WWC2: variants seen among roughly 807,000 people sequenced by gnomAD.
WWC2 encodes the protein WW and C2 domain containing 2.
In WWC2, 101 loss-of-function variants were observed where a neutral mutation model predicts 138.5. That is an observed-to-expected ratio of 0.73 (90% CI 0.62 to 0.86). WWC2 has a LOEUF of 0.86. Ranked by LOEUF, WWC2 falls within the 40% of genes least tolerant of loss-of-function variation. The pLI is 0.00. For missense variants in WWC2, 1,420 were observed against 1,419.4 expected (o/e 1.00, Z -0.01); for synonymous variants, 558 against 538.4 (o/e 1.04, Z -0.50).
At chr4:183,130,533 A>G (rs577103297) in intron 1 of WWC2, among the ~76,000 whole-genome samples, 85 of 152,280 alleles carry the variant, frequency 5.6e-4, no homozygotes, top group African/African-American at 2.0e-3. Context: ...CTGATTATGT[A>G]CTTGATTCTT....
intron 1 of WWC2, among the ~76,000 whole-genome samples, chr4:183,121,567 TGATA>T (rs1242972416): frequency 1.3e-5 from 2 of 152,158 alleles, no homozygotes; most frequent in Non-Finnish European, 2.9e-5. Flanking sequence ...TTTATAATTT[TGATA>T]GATTGTTTCA....
At chr4:183,209,419 G>A (rs548480181) in intron 4 of WWC2, among the ~76,000 whole-genome samples, 1 of 152,176 alleles carries the variant, frequency 6.6e-6, no homozygotes, top group African/African-American at 2.4e-5. Flanking sequence ...GTAGAGATGG[G>A]GTTTCACCAT....
At position 183,316,933 on chromosome 4, in the gene WWC2, A is replaced by G. The variant is rs1739459227; in HGVS notation, c.*1204A>G. 6.6e-6 allele frequency: 1 copy of G among 152,146 alleles called. No individual in the cohort carries two copies. The highest frequency in any genetic ancestry group is 2.1e-4 in the South Asian group (1 of 4,832). The allele number at this position is 152,146 out of a possible 1,614,324, so 9.4% of individuals were successfully genotyped here. On this transcript the variant is annotated 3_prime_UTR_variant, in exon 23 of 23. Transcript: ENST00000403733. Reference sequence around the variant, plus strand: ...CAAGTTTAGAGAGATAAACTGACTAATGTGTCCTCCAGTTTAGAATTTCAC... The same window carrying G: ...CAAGTTTAGAGAGATAAACTGACTAGTGTGTCCTCCAGTTTAGAATTTCAC...
At chr4:183,138,174 G>A (rs565675758) in intron 1 of WWC2, among the ~76,000 whole-genome samples, 17 of 152,198 alleles carry the variant, frequency 1.1e-4, no homozygotes, top group South Asian at 1.0e-3. Flanking sequence ...ATGAATTCTT[G>A]GGGGAGGTGG....
intron 2 of WWC2, among the ~76,000 whole-genome samples, chr4:183,207,594 T>C (rs1735481986): frequency 6.6e-6 from 1 of 152,180 alleles, no homozygotes; most frequent in African/African-American, 2.4e-5. Context: ...TACAGTCCTG[T>C]ATTAGGTGAA....
chr4:183,166,826 T>G (rs951035142), intron 1 of WWC2, among the ~76,000 whole-genome samples: 2 of 152,092 alleles, frequency 1.3e-5, no homozygotes, highest in African/African-American at 4.8e-5. Context: ...GTCAAAACCT[T>G]ATTGGATAAA....
chr4:183,214,851 G>T (rs139535632), intron 4 of WWC2, among the ~76,000 whole-genome samples: 1 of 151,894 alleles, frequency 6.6e-6, no homozygotes, highest in African/African-American at 2.4e-5. Context: ...GACTAGACAT[G>T]AGAGATATCC....
At chr4:183,248,667 T>C in intron 6 of WWC2, 47 bp from the exon 7 acceptor site, 1 of 1,503,286 alleles carries the variant, frequency 6.7e-7, no homozygotes, top group Non-Finnish European at 9.0e-7. Context: ...GAAGGTTTGC[T>C]GTCTTACTTG....
intron 11 of WWC2, among the ~76,000 whole-genome samples, chr4:183,261,918 A>G (rs1406828369): frequency 6.6e-6 from 1 of 152,246 alleles, no homozygotes; most frequent in East Asian, 1.9e-4. Context: ...CAATTAACAT[A>G]GTAGCTAATT....
intron 22 of WWC2, 87 bp downstream of exon 22, chr4:183,312,555 T>TA (rs1739292897): frequency 1.3e-6 from 2 of 1,571,146 alleles, no homozygotes; most frequent in African/African-American, 2.7e-5. Flanking sequence ...TGAAAGTTAA[T>TA]ATGAGGATCC....
intron 21 of WWC2, among the ~76,000 whole-genome samples, chr4:183,293,985 T>C (rs1738549878): frequency 6.6e-6 from 1 of 152,086 alleles, no homozygotes; most frequent in South Asian, 2.1e-4. Flanking sequence ...TAAATGACCA[T>C]ATATTAAATA....
At chr4:183,223,740 G>T (rs1470763120) in intron 4 of WWC2, among the ~76,000 whole-genome samples, 1 of 151,808 alleles carries the variant, frequency 6.6e-6, no homozygotes, top group Non-Finnish European at 1.5e-5. Context: ...TTTTGAGACG[G>T]AGTCTCACCT....
chr4:183,167,381 G>T (rs137929581), intron 1 of WWC2, among the ~76,000 whole-genome samples: 28 of 152,296 alleles, frequency 1.8e-4, no homozygotes, highest in Non-Finnish European at 2.9e-4. Flanking sequence ...TAAGTGAGAA[G>T]AGATACAAGT....
intron 4 of WWC2, among the ~76,000 whole-genome samples, chr4:183,226,171 G>A (rs908844897): frequency 2.0e-5 from 3 of 147,556 alleles, no homozygotes; most frequent in African/African-American, 2.5e-5. Context: ...ATCACGGCTC[G>A]CTGCAGCCTC....
At chr4:183,249,826 C>G in intron 7 of WWC2, 94 bp from the exon 8 acceptor site, 1 of 1,035,730 alleles carries the variant, frequency 9.7e-7, no homozygotes, top group South Asian at 1.6e-5. Flanking sequence ...TCTTCTTTAA[C>G]TTTTCAATTA....
In WWC2 at chr4:183,246,144, T is replaced by C. The variant is rs142734210; in HGVS notation, c.732+599T>C. On this transcript the variant is annotated intron_variant, in intron 6 of 22. Transcript: ENST00000403733. Reference sequence around the variant, plus strand: ...TCAGCCTGTGGGTCTTAACTCCCAGTGATCCAGCATCATGTGTAGAAAACA... The same window carrying C: ...TCAGCCTGTGGGTCTTAACTCCCAGCGATCCAGCATCATGTGTAGAAAACA... Among the ~76,000 whole-genome samples, 161 of 152,334 alleles carry C rather than the reference T, an allele frequency of 1.1e-3. 1 individual carries two copies. In the East Asian group the frequency reaches 0.02, roughly 19 times the overall value.
chr4:183,118,433 T>C (rs1267189370), intron 1 of WWC2, among the ~76,000 whole-genome samples: 2 of 152,194 alleles, frequency 1.3e-5, no homozygotes, highest in Non-Finnish European at 2.9e-5. Context: ...AGAAATATAT[T>C]GTGTATCTGA....
chr4:183,273,947 T>A (rs1028327017), intron 16 of WWC2, among the ~76,000 whole-genome samples: 1 of 152,202 alleles, frequency 6.6e-6, no homozygotes, highest in Non-Finnish European at 1.5e-5. Flanking sequence ...TCTTTTTGTA[T>A]GTGGATATGC....
chr4:183,275,018 A>G (rs1737804038), intron 16 of WWC2, among the ~76,000 whole-genome samples: 1 of 152,126 alleles, frequency 6.6e-6, no homozygotes, highest in African/African-American at 2.4e-5. Context: ...AGCAGAACTT[A>G]TTCTGCTTCT....
Sources: gnomAD v4.1 joint callset for allele counts (sites outside exome capture counted in the v4.1 genomes callset) on GRCh38, gnomAD v4.1.1 for gene constraint, MANE v1.5 for transcripts, NCBI Gene and HGNC (gene_info 2026-07-23, HGNC 2026-07-21) for gene names.